The following RASA3 variants were observed in gnomAD, a reference collection of about 807,000 sequenced individuals.
RASA3 encodes RAS p21 protein activator 3.
Under a neutral mutation model 110.0 loss-of-function variants are expected in RASA3, and 73 were observed. That is an observed-to-expected ratio of 0.66 (90% CI 0.55 to 0.81). RASA3 has a LOEUF of 0.81. RASA3 is among the 30% of genes least tolerant of loss of function. The pLI is 0.00. For synonymous variants in RASA3, 500 were observed against 451.4 expected (o/e 1.11, Z -1.37); for missense variants, 976 against 1,113.2 (o/e 0.88, Z 1.75).
chr13:114,107,347 C>T (rs374462027), intron 1 of RASA3, among the ~76,000 whole-genome samples: 3 of 151,856 alleles, frequency 2.0e-5, no homozygotes, highest in African/African-American at 7.3e-5. Flanking sequence ...TCCTGACCCT[C>T]GCGGGGGACG....
At chr13:114,122,217 TC>T (rs2080388348) in intron 1 of RASA3, among the ~76,000 whole-genome samples, 1 of 152,176 alleles carries the variant, frequency 6.6e-6, no homozygotes, top group African/African-American at 2.4e-5. Context: ...CAGCAAGGCT[TC>T]CTGAGAAGGC....
chr13:114,033,080 G>C (rs1594357826), intron 4 of RASA3, among the ~76,000 whole-genome samples: 1 of 24,226 alleles, frequency 4.1e-5, no homozygotes, highest in Non-Finnish European at 7.5e-5. Flanking sequence ...CCCCACACTT[G>C]ATACCATGCC....
intron 23 of RASA3, among the ~76,000 whole-genome samples, 175 bp downstream of exon 23, chr13:113,981,500 G>A (rs891844358): frequency 7.9e-5 from 12 of 152,162 alleles, no homozygotes; most frequent in Admixed American, 2.0e-4. Flanking sequence ...CAGCAGCGCC[G>A]GGCCACGTCC....
intron 4 of RASA3, among the ~76,000 whole-genome samples, chr13:114,038,725 G>T (rs1157139702): frequency 1.3e-5 from 2 of 152,184 alleles, no homozygotes; most frequent in African/African-American, 2.4e-5. Flanking sequence ...GAGGACGAGG[G>T]TTCCCAGAGG....
At chr13:114,017,610 C>T (rs1225975414) in intron 11 of RASA3, among the ~76,000 whole-genome samples, 1 of 152,244 alleles carries the variant, frequency 6.6e-6, no homozygotes, top group East Asian at 1.9e-4. Flanking sequence ...CCTGGCTGGC[C>T]TTCGCCCTCC....
At chr13:114,070,122 C>CGGGGGCTGGGAGACTCA (rs2079545016) in intron 2 of RASA3, among the ~76,000 whole-genome samples, 1 of 67,624 alleles carries the variant, frequency 1.5e-5, no homozygotes, top group Non-Finnish European at 2.7e-5. Flanking sequence ...CCAGGAGACT[C>CGGGGGCTGGGAGACTCA]GGGGGCTGGG....
In RASA3 at chr13:114,047,874, C is replaced by G. The variant is rs370068131; in HGVS notation, c.277+4178G>C. On this transcript the variant is annotated intron_variant, in intron 3 of 23. Coordinates refer to ENST00000334062, the MANE Select transcript of RASA3 (RefSeq NM_007368.4). ...CTGTGGGCCAGGGTAGGAAATCCAC[C>G]CCAAAGGGGCCCAAAGGAGTGTTCC... 3.2e-3 allele frequency among the ~76,000 whole-genome samples: 489 copies of G among 152,330 alleles called. 4 individuals carry two copies. The highest frequency in any genetic ancestry group is 0.011 in the African/African-American group (467 of 41,580).
intron 1 of RASA3, among the ~76,000 whole-genome samples, chr13:114,100,768 C>T (rs752747361): frequency 3.9e-5 from 6 of 152,144 alleles, no homozygotes; most frequent in Admixed American, 6.5e-5. Context: ...GTGTACCCTT[C>T]GAGAAACACT....
At chr13:114,053,505 G>C (rs549626503) in intron 2 of RASA3, among the ~76,000 whole-genome samples, 1 of 152,380 alleles carries the variant, frequency 6.6e-6, no homozygotes, top group Admixed American at 6.5e-5. Context: ...AAAGATGTAA[G>C]TTATTCAAGG....
At position 113,981,659 on chromosome 13, in the gene RASA3, C is replaced by G; in HGVS notation, c.2429+16G>C. Reference sequence around the variant, plus strand: ...CTACACTGGCCGTCCAGGGCAGGCACGGGAGTGGCACTCACTGGCTTCCAT... The same window carrying G: ...CTACACTGGCCGTCCAGGGCAGGCAGGGGAGTGGCACTCACTGGCTTCCAT... On this transcript the variant is annotated intron_variant, in intron 23 of 23. Transcript: ENST00000334062. The G allele has an allele frequency of 1.2e-6, 2 of 1,612,628 alleles. No homozygotes were observed. Among genetic ancestry groups the G allele is most frequent in the Non-Finnish European group, 1.7e-6 (2 of 1,179,362 alleles).
intron 1 of RASA3, chr13:114,078,090 A>G (rs2079723077): frequency 1.2e-6 from 1 of 815,026 alleles, no homozygotes. Flanking sequence ...TGAGCTGCTC[A>G]GACCAGGAGG....
intron 22 of RASA3, among the ~76,000 whole-genome samples, chr13:113,991,699 C>A (rs1177343391): frequency 6.6e-6 from 1 of 152,168 alleles, no homozygotes; most frequent in African/African-American, 2.4e-5. Flanking sequence ...GTGTGCCTGG[C>A]ACTGTTTCAA....
At chr13:114,099,556 T>C (rs1284753188) in intron 1 of RASA3, among the ~76,000 whole-genome samples, 5 of 150,870 alleles carry the variant, frequency 3.3e-5, no homozygotes, top group Admixed American at 3.3e-4. Flanking sequence ...GCCTGGGACC[T>C]AAGTACGGCT....
At chr13:114,129,495 G>C (rs374501097) in intron 1 of RASA3, among the ~76,000 whole-genome samples, 1 of 152,150 alleles carries the variant, frequency 6.6e-6, no homozygotes, top group Non-Finnish European at 1.5e-5. Context: ...CAATGTCAAC[G>C]TCTGAATGAG....
rs188138744 is a variant in RASA3 at position 114,015,863 on chromosome 13, G to C, written c.1281+334C>G. ...CCGGGGCGGAGGCAGAGCTGGTCAG[G>C]ATTGTCCAGGGGAGGCAGAGCAGGG... On this transcript the variant is annotated intron_variant, in intron 13 of 23. Coordinates refer to ENST00000334062, the MANE Select transcript of RASA3 (RefSeq NM_007368.4). 1.9e-3 allele frequency among the ~76,000 whole-genome samples: 288 copies of C among 152,228 alleles called. 1 individual carries two copies. The highest frequency in any genetic ancestry group is 6.5e-3 in the African/African-American group (269 of 41,538).
chr13:114,070,640 G>A (rs373493747), intron 2 of RASA3, among the ~76,000 whole-genome samples: 13 of 151,596 alleles, frequency 8.6e-5, no homozygotes, highest in East Asian at 5.8e-4. Context: ...GGCTGCCGGC[G>A]TCCACGCTAA....
chr13:113,980,598 A>T (rs955057372), intron 23 of RASA3, among the ~76,000 whole-genome samples: 3 of 152,242 alleles, frequency 2.0e-5, no homozygotes, highest in African/African-American at 7.2e-5. Context: ...AGGTTGATGG[A>T]CCTGCTGATA....
At chr13:114,078,023 C>A (rs1175527661) in intron 1 of RASA3, 1 of 978,306 alleles carries the variant, frequency 1.0e-6, no homozygotes, top group East Asian at 1.1e-4. Context: ...TGAGAAACAT[C>A]CTGGTTGCTA....
chr13:114,014,607 G>T lies in RASA3; in HGVS notation c.1405+602C>A, dbSNP rs2053747992. On this transcript the variant is annotated intron_variant, in intron 14 of 23. Transcript: ENST00000334062. The surrounding 1 kb of genome is among the most constrained non-coding windows in gnomAD (Gnocchi z 4.5). Reference sequence around the variant, plus strand: ...TGAGTATCGCAGGTGATGGGTGGGTGCAGGCACCCAGCTCCTCCCTGAGGG... The same window carrying T: ...TGAGTATCGCAGGTGATGGGTGGGTTCAGGCACCCAGCTCCTCCCTGAGGG... Among the ~76,000 whole-genome samples the T allele has an allele frequency of 6.6e-6, 1 of 152,148 alleles. No homozygotes were observed. The highest frequency in any genetic ancestry group is 1.5e-5 in the Non-Finnish European group (1 of 68,004).
Sources: gnomAD v4.1 joint callset for allele counts (sites outside exome capture counted in the v4.1 genomes callset) on GRCh38, gnomAD v4.1.1 for gene constraint, Gnocchi (gnomAD v3.1) non-coding constraint, MANE v1.5 for transcripts, NCBI Gene and HGNC (gene_info 2026-07-23, HGNC 2026-07-21) for gene names.